Variants in RUBCNL observed in about 807,000 individuals in gnomAD.
The protein encoded by RUBCNL is protein associated with UVRAG as autophagy enhancer.
A neutral mutation model predicts 69.5 loss-of-function variants in RUBCNL; 62 were observed. The observed-to-expected ratio is 0.89, with a 90% CI of 0.73 to 1.10. The LOEUF (loss-of-function observed/expected upper bound fraction) is 1.10. Among genes scored for constraint, RUBCNL ranks in the 50% least tolerant of loss-of-function variants. RUBCNL has a pLI of 0.00. For missense variants in RUBCNL, 768 were observed against 798.1 expected, an observed-to-expected ratio of 0.96 and a Z score of 0.45; for synonymous variants, 291 against 303.6, an observed-to-expected ratio of 0.96 and a Z score of 0.43.
intron 1 of RUBCNL, among the ~76,000 whole-genome samples, chr13:46,384,886 A>C (rs2049203425): frequency 6.6e-6 from 1 of 152,218 alleles, no homozygotes; most frequent in African/African-American, 2.4e-5. Flanking sequence ...AAGTAAAGTG[A>C]TGACCACATA....
At chr13:46,375,723 G>A (rs9534382) in intron 2 of RUBCNL, among the ~76,000 whole-genome samples, 59,138 of 151,958 alleles carry the variant, frequency 0.39, 12,106 homozygotes, top group East Asian at 0.59. Context: ...TTGAGACTTT[G>A]AGTCTCAAGA....
chr13:46,344,279 T>C (rs547257638), intron 14 of RUBCNL, among the ~76,000 whole-genome samples: 22 of 152,144 alleles, frequency 1.4e-4, no homozygotes, highest in Non-Finnish European at 3.1e-4. Context: ...CACGGGATTC[T>C]CTCGGGCACT....
chr13:46,356,515 A>G lies in RUBCNL; in HGVS notation c.1266-19T>C. On this transcript the variant is annotated intron_variant, in intron 9 of 14. Transcript: ENST00000429979. ...GTCCCTCCTGAATACGAAAAATAAT[A>G]CTAGTTACATTTCAGAGAAGGCCAA... 1 of 1,610,096 alleles carries G rather than the reference A, an allele frequency of 6.2e-7. No homozygotes were observed.
At chr13:46,378,287 A>G (rs2049042249) in intron 1 of RUBCNL, among the ~76,000 whole-genome samples, 1 of 152,210 alleles carries the variant, frequency 6.6e-6, no homozygotes, top group African/African-American at 2.4e-5. Context: ...AGGATTGATA[A>G]GCAGAGATAA....
chr13:46,372,020 C>T lies in RUBCNL; in HGVS notation c.456G>A (p.Gly152=). The change falls in exon 3 of 15, where the codon GGG becomes GGA. Residue 152 remains glycine, a synonymous_variant. Coordinates refer to ENST00000429979, the MANE Select transcript of RUBCNL (RefSeq NM_025113.5). Reference sequence around the variant, plus strand: ...CAGGATATGGGGAGGTGGCCAAAATCCCAGGGCTTGTGGGCAGAGACACCC... The same window carrying T: ...CAGGATATGGGGAGGTGGCCAAAATTCCAGGGCTTGTGGGCAGAGACACCC... The part of the protein sequence containing the change: ...SHRVSLPTSP[G]ILATSPYPET... The T allele has an allele frequency of 1.2e-6, 2 of 1,614,018 alleles. No homozygotes were observed. The highest frequency in any genetic ancestry group is 1.3e-5 in the African/African-American group (1 of 75,048).
At chr13:46,380,607 G>A (rs950394892) in intron 1 of RUBCNL, among the ~76,000 whole-genome samples, 2 of 151,924 alleles carry the variant, frequency 1.3e-5, no homozygotes, top group African/African-American at 4.8e-5. Context: ...ACCTACATAG[G>A]TATATTTGAT....
chr13:46,358,221 TA>T (rs1230761569), intron 9 of RUBCNL, among the ~76,000 whole-genome samples: 1 of 152,214 alleles, frequency 6.6e-6, no homozygotes, highest in East Asian at 1.9e-4. Flanking sequence ...AAGAAAGATC[TA>T]GTCTATAAGG....
chr13:46,357,605 T>C (rs2048518465), intron 9 of RUBCNL, among the ~76,000 whole-genome samples: 1 of 151,234 alleles, frequency 6.6e-6, no homozygotes. Context: ...GTAAGAGATA[T>C]TCCATTCCAT....
At chr13:46,371,818 T>G (rs1274691758) in intron 3 of RUBCNL, 123 bp downstream of exon 3, 19 of 990,764 alleles carry the variant, frequency 1.9e-5, no homozygotes, top group Admixed American at 2.7e-5. Flanking sequence ...ATGGCTGGGC[T>G]GCTGACAATA....
Position 46,349,335 on chromosome 13 carries a change from G to T in RUBCNL, c.1582C>A (p.Gln528Lys), listed in dbSNP as rs906867978. ...ELDRVKEIQE[Q>K]LFHIKKLLKT... ...AACAGCTTCTTGATATGGAAGAGCT[G>T]CTCCTGAATTTCCTAATGGGAGAAA... The change falls in exon 12 of 15, where the codon CAG becomes AAG. Residue 528 changes from glutamine (Q) to lysine (K), a missense_variant. Physicochemically the swap from Gln to Lys is moderately conservative, Grantham distance 53. Transcript: ENST00000429979. 1 of 1,613,696 alleles carries T rather than the reference G, an allele frequency of 6.2e-7. No homozygotes were observed. The highest frequency in any genetic ancestry group is 1.3e-5 in the African/African-American group (1 of 75,052).
intron 5 of RUBCNL, 141 bp from the exon 6 acceptor site, chr13:46,363,354 TA>T: frequency 2.8e-6 from 1 of 352,142 alleles, no homozygotes; most frequent in Non-Finnish European, 5.2e-6. Context: ...CTTAAAGAAT[TA>T]AAAAACTGGG....
chr13:46,343,408 T>A lies in RUBCNL; in HGVS notation c.1966A>T (p.Ser656Cys). ...CATCATGTTGCTGCAGAGGCCACAC[T>A]TTCCAGAAGTTTTCTCCTCGCTGTG... ...RITARRKLLE[S>C]VASAAT Residue 656 changes from serine (S) to cysteine (C), a missense_variant, in exon 15 of 15, where the codon AGT (serine) becomes TGT (cysteine). By Grantham distance (112) the Ser-to-Cys change is moderately radical. Transcript: ENST00000429979. 3 of 1,613,792 alleles carry A rather than the reference T, an allele frequency of 1.9e-6. No individual in the cohort carries two copies. In the South Asian group the frequency reaches 3.3e-5, roughly 18 times the overall value.
intron 10 of RUBCNL, 108 bp from the exon 11 acceptor site, chr13:46,350,459 T>C: frequency 1.3e-6 from 1 of 786,304 alleles, no homozygotes; most frequent in Non-Finnish European, 2.0e-6. Flanking sequence ...GATGACTTGT[T>C]TCATGATGAT....
chr13:46,350,522 G>T, intron 10 of RUBCNL, 171 bp from the exon 11 acceptor site: 1 of 565,766 alleles, frequency 1.8e-6, no homozygotes, highest in East Asian at 2.9e-5. Flanking sequence ...GAGACTTGGG[G>T]AATTAAATCA....
intron 1 of RUBCNL, 118 bp from the exon 2 acceptor site, chr13:46,378,123 A>C (rs1442355346): frequency 1.7e-6 from 1 of 580,944 alleles, no homozygotes; most frequent in Non-Finnish European, 2.9e-6. Context: ...TTTACTGAGC[A>C]TCTACTACAG....
At chr13:46,359,428 G>A (rs1566074206) in intron 9 of RUBCNL, 58 bp downstream of exon 9, 1 of 1,462,980 alleles carries the variant, frequency 6.8e-7, no homozygotes, top group Non-Finnish European at 9.3e-7. Context: ...GAGTCAGGTG[G>A]GATCTGTCAC....
At position 46,378,006 on chromosome 13, in the gene RUBCNL, C is replaced by G; in HGVS notation, c.-238-1G>C. On this transcript the variant is annotated splice_acceptor_variant, in intron 1 of 14. Transcript: ENST00000429979. LOFTEE classifies it low-confidence loss of function (5UTR_SPLICE). ...TCAATATCCCCATTTTTTATTTTAT[C>G]TGTAAGGCAAAAAACAATTTGCCAG... 6.6e-7 allele frequency: 1 copy of G among 1,521,200 alleles called. No homozygotes were observed. Among genetic ancestry groups the G allele is most frequent in the Non-Finnish European group, 8.8e-7 (1 of 1,130,912 alleles). The allele number at this position is 1,521,200 out of a possible 1,614,324, so 94.2% of individuals were successfully genotyped here. A position where few individuals can be genotyped will look rare whatever the true frequency, so the allele number is the denominator to read the frequency against.
rs1475419823 is a variant in RUBCNL at position 46,341,333 on chromosome 13, T to C, written c.*2052A>G. ...ATCAGGAAGACCCATTAAACAGCTA[T>C]ATATGCCACAACTAATTACTTCCTT... On this transcript the variant is annotated 3_prime_UTR_variant, in exon 15 of 15. Transcript: ENST00000429979. Among the ~76,000 whole-genome samples the C allele has an allele frequency of 1.3e-5, 2 of 152,190 alleles. No homozygotes were observed. Among genetic ancestry groups the C allele is most frequent in the African/African-American group, 2.4e-5 (1 of 41,440 alleles).
Position 46,349,324 on chromosome 13 carries a change from A to G in RUBCNL, c.1593T>C (p.His531=), listed in dbSNP as rs761047316. Residue 531 remains histidine (H), a synonymous_variant, in exon 12 of 15, where the codon CAT becomes CAC. Transcript: ENST00000429979. ...TACAGGTCTTCAACAGCTTCTTGATATGGAAGAGCTGCTCCTGAATTTCCT... is the reference window on the plus strand; with the variant it reads ...TACAGGTCTTCAACAGCTTCTTGATGTGGAAGAGCTGCTCCTGAATTTCCT... ...RVKEIQEQLF[H]IKKLLKTCRF... 2.7e-5 allele frequency: 44 copies of G among 1,613,648 alleles called. No homozygotes were observed. Among genetic ancestry groups the G allele is most frequent in the African/African-American group, 2.7e-5 (2 of 74,916 alleles).
Sources: allele counts gnomAD v4.1 joint callset (sites outside exome capture counted in the v4.1 genomes callset), GRCh38; gene constraint gnomAD v4.1.1; transcripts MANE v1.5; gene names NCBI Gene and HGNC (gene_info 2026-07-23, HGNC 2026-07-21).